ACACA: variants seen among roughly 807,000 people sequenced by gnomAD.
ACACA encodes acetyl-CoA carboxylase 1.
A neutral mutation model predicts 296.1 loss-of-function variants in ACACA; 103 were observed. That is an observed-to-expected ratio of 0.35 (90% CI 0.30 to 0.41). ACACA has a LOEUF of 0.41. ACACA is among the 10% of genes least tolerant of loss of function. The probability of loss-of-function intolerance (pLI) is 1.00; values close to 1 mark genes in which losing one functional copy is unlikely to be tolerated. For synonymous variants in ACACA, 953 were observed against 1,038.6 expected (o/e 0.92, Z 1.58); for missense variants, 1,554 against 2,989.7 (o/e 0.52, Z 11.20).
At chr17:37,133,872 C>T (rs1479521842) in intron 45 of ACACA, among the ~76,000 whole-genome samples, 2 of 152,164 alleles carry the variant, frequency 1.3e-5, no homozygotes, top group Non-Finnish European at 2.9e-5. Context: ...CAGTACCATG[C>T]AATATTAGGA....
intron 1 of ACACA, among the ~76,000 whole-genome samples, chr17:37,402,639 A>G (rs2051329544): frequency 6.6e-6 from 1 of 152,152 alleles, no homozygotes; most frequent in African/African-American, 2.4e-5. Context: ...GTGAAAGCAT[A>G]GAGTATGTAT....
At chr17:37,278,585 C>T (rs985910470) in intron 5 of ACACA, among the ~76,000 whole-genome samples, 1 of 152,154 alleles carries the variant, frequency 6.6e-6, no homozygotes. Flanking sequence ...ATTTGTTGTA[C>T]AGTATTCCCT....
At chr17:37,129,531 C>G (rs767083329) in intron 46 of ACACA, 46 bp from the exon 47 acceptor site, 1 of 1,612,182 alleles carries the variant, frequency 6.2e-7, no homozygotes, top group Admixed American at 1.7e-5. Context: ...GAACGACAGC[C>G]CTAGACTCCA....
At chr17:37,338,882 G>A (rs894427091) in intron 2 of ACACA, among the ~76,000 whole-genome samples, 2 of 150,428 alleles carry the variant, frequency 1.3e-5, no homozygotes, top group Non-Finnish European at 3.0e-5. Flanking sequence ...AGAGGTTGCA[G>A]TGTGCCGAGA....
chr17:37,220,139 A>C (rs1296689329), intron 29 of ACACA, among the ~76,000 whole-genome samples: 2 of 152,302 alleles, frequency 1.3e-5, no homozygotes, highest in East Asian at 3.9e-4. Flanking sequence ...AACCACATTG[A>C]ACTAACCAAG....
chr17:37,299,151 A>G (rs1263315660), intron 3 of ACACA: 1 of 987,320 alleles, frequency 1.0e-6, no homozygotes, highest in African/African-American at 1.7e-5. Context: ...CATTTTCTTA[A>G]AAAAAATAGC....
At chr17:37,227,075 T>A (rs2145733986) in intron 25 of ACACA, among the ~76,000 whole-genome samples, 1 of 152,308 alleles carries the variant, frequency 6.6e-6, no homozygotes, top group East Asian at 1.9e-4. Context: ...AACATGTGAA[T>A]CCTTAGCTGA....
intron 1 of ACACA, among the ~76,000 whole-genome samples, chr17:37,394,918 AAAAT>A (rs1038667301): frequency 2.0e-5 from 3 of 151,170 alleles, no homozygotes; most frequent in African/African-American, 4.8e-5. Flanking sequence ...AATATATAAT[AAAAT>A]AAATAAAGTA....
chr17:37,162,865 C>T (rs933751101), intron 41 of ACACA: 4 of 164,778 alleles, frequency 2.4e-5, no homozygotes, highest in Non-Finnish European at 5.2e-5. Context: ...AGCTGCACTA[C>T]GACTCCCGTA....
At chr17:37,121,684 T>A (rs1320040564) in intron 49 of ACACA, among the ~76,000 whole-genome samples, 194 bp from the exon 50 acceptor site, 1 of 152,246 alleles carries the variant, frequency 6.6e-6, no homozygotes, top group Non-Finnish European at 1.5e-5. Context: ...TGTCAAATAC[T>A]ATTCTTTTTA....
intron 14 of ACACA, 94 bp downstream of exon 14, chr17:37,257,609 G>C: frequency 8.0e-7 from 1 of 1,248,052 alleles, no homozygotes; most frequent in Non-Finnish European, 1.1e-6. Context: ...TTATTACTTT[G>C]ACAGCAGATG....
chr17:37,304,903 C>T (rs1203531816), intron 3 of ACACA, among the ~76,000 whole-genome samples: 7 of 152,032 alleles, frequency 4.6e-5, no homozygotes, highest in Non-Finnish European at 1.0e-4. Flanking sequence ...CGAAACCAGC[C>T]TGGGCAACAT....
chr17:37,299,487 T>A lies in ACACA; in HGVS notation c.339-14517A>T, dbSNP rs535324551. 2.0e-6 allele frequency: 3 copies of A among 1,503,126 alleles called. No homozygotes were observed. In the African/African-American group the frequency reaches 4.2e-5, roughly 21 times the overall value. 93.1% of individuals were successfully genotyped at this position (1,503,126 alleles called of 1,614,324 possible). A position where few individuals can be genotyped will look rare whatever the true frequency, so the allele number is the denominator to read the frequency against. On this transcript the variant is annotated intron_variant, in intron 3 of 55. Transcript: ENST00000616317. ...TTCAGTCAGACTAGAATACTCCTGATGGCCTCAAACTATAGTCTTTTTGTC... is the reference window on the plus strand; with the variant it reads ...TTCAGTCAGACTAGAATACTCCTGAAGGCCTCAAACTATAGTCTTTTTGTC...
At chr17:37,288,628 T>G (rs902563062) in intron 3 of ACACA, among the ~76,000 whole-genome samples, 1 of 152,174 alleles carries the variant, frequency 6.6e-6, no homozygotes, top group African/African-American at 2.4e-5. Flanking sequence ...CCTGGTACAT[T>G]GGTTCACACG....
At chr17:37,260,989 TA>T (rs2081490701) in intron 11 of ACACA, among the ~76,000 whole-genome samples, 1 of 152,098 alleles carries the variant, frequency 6.6e-6, no homozygotes, top group Admixed American at 6.6e-5. Flanking sequence ...TTAAAAATAT[TA>T]AAATATGAGA....
Position 37,155,704 on chromosome 17 carries a change from A to T in ACACA, c.5426T>A (p.Val1809Glu), listed in dbSNP as rs1462700403. 6.2e-7 allele frequency: 1 copy of T among 1,609,896 alleles called. No individual in the cohort carries two copies. The highest frequency in any genetic ancestry group is 1.3e-5 in the African/African-American group (1 of 75,000). ...SALNSVHCEH[V>E]EDEGESRYKI... is the part of the protein sequence containing the mutation. ...CTACCTGGATTCTCCTTCATCTTCC[A>T]CGTGTTCACAATGGACAGAGTTGAG... Residue 1809 changes from valine (V) to glutamate (E), a missense_variant, in exon 43 of 56, where the codon GTG becomes GAG. By Grantham distance (121) the Val-to-Glu change is moderately radical. Transcript: ENST00000616317.
intron 17 of ACACA, 102 bp downstream of exon 17, chr17:37,248,491 T>G: frequency 1.1e-6 from 1 of 883,472 alleles, no homozygotes; most frequent in Non-Finnish European, 1.9e-6. Context: ...ATTTCACTAA[T>G]ACCCCCATCC....
At chr17:37,385,864 G>C in intron 1 of ACACA, 1 of 540,156 alleles carries the variant, frequency 1.9e-6, no homozygotes. Context: ...ATTATTTTGT[G>C]CTCACACCCT....
In ACACA at chr17:37,364,368, C is replaced by T. The variant is rs188549548; in HGVS notation, c.39-24518G>A. Among the ~76,000 whole-genome samples, 314 of 151,902 alleles carry T rather than the reference C, an allele frequency of 2.1e-3. 2 individuals are homozygous for T. The highest frequency in any genetic ancestry group is 3.5e-3 in the Admixed American group (53 of 15,258). On this transcript the variant is annotated intron_variant, in intron 1 of 55. Transcript: ENST00000616317. ...CAAAACTTTGGGAGGCCAAGACGGG[C>T]GGATCACCTGAGGTCAGGAGTTCGA... is the stretch of plus-strand genomic sequence containing the variant.
Sources: gnomAD v4.1 joint callset for allele counts (sites outside exome capture counted in the v4.1 genomes callset) on GRCh38, gnomAD v4.1.1 for gene constraint, MANE v1.5 for transcripts, NCBI Gene and HGNC (gene_info 2026-07-23, HGNC 2026-07-21) for gene names.